The following CLCN5 variants were observed in gnomAD, a reference collection of about 807,000 sequenced individuals.
CLCN5 encodes H(+)/Cl(-) exchange transporter 5.
In CLCN5, 17 loss-of-function variants were observed where a neutral mutation model predicts 54.0. The observed-to-expected ratio is 0.31, with a 90% CI of 0.22 to 0.47. The LOEUF is 0.47. CLCN5 is among the 20% of genes least tolerant of loss of function. CLCN5 has a pLI of 1.00. For synonymous variants in CLCN5, 222 were observed against 233.0 expected (o/e 0.95, Z 0.43); for missense variants, 448 against 646.7 (o/e 0.69, Z 3.33).
chrX:50,084,334 G>A (rs1355932430), intron 9 of CLCN5, among the ~76,000 whole-genome samples: 3 of 111,495 alleles, frequency 2.7e-5, no homozygotes, highest in African/African-American at 6.5e-5. Flanking sequence ...TGACTGAAAC[G>A]TTGTTACGTG....
intron 12 of CLCN5, 147 bp from the exon 13 acceptor site, chrX:50,089,969 A>T: frequency 1.8e-6 from 1 of 564,319 alleles, no homozygotes; most frequent in Non-Finnish European, 3.0e-6. Context: ...CTCCATTGTG[A>T]CCTTGCTTTC....
intron 4 of CLCN5, among the ~76,000 whole-genome samples, chrX:50,059,903 T>G (rs1369186361): frequency 9.3e-6 from 1 of 107,193 alleles, no homozygotes; most frequent in Non-Finnish European, 1.9e-5. Context: ...AAAAAGATAG[T>G]ATCTTTGCTA....
intron 3 of CLCN5, among the ~76,000 whole-genome samples, chrX:50,033,128 C>G (rs1329449265): frequency 2.7e-5 from 3 of 111,370 alleles, no homozygotes; most frequent in Non-Finnish European, 3.8e-5. Context: ...TGCCCTCTCT[C>G]ACCACTCCTA....
intron 4 of CLCN5, among the ~76,000 whole-genome samples, chrX:50,063,450 C>T (rs1338757639): frequency 9.2e-6 from 1 of 108,298 alleles, no homozygotes; most frequent in Non-Finnish European, 1.9e-5. Context: ...TCTCCCAAGA[C>T]TAAACCAGGA....
At chrX:50,060,019 G>A (rs1300484380) in intron 4 of CLCN5, among the ~76,000 whole-genome samples, 1 of 105,229 alleles carries the variant, frequency 9.5e-6, no homozygotes, top group African/African-American at 3.5e-5. Context: ...TTCAGATACT[G>A]TTACAGGTAA....
intron 3 of CLCN5, among the ~76,000 whole-genome samples, chrX:49,957,852 C>G (rs782634212): frequency 2.7e-5 from 3 of 111,795 alleles, no homozygotes; most frequent in African/African-American, 9.7e-5. Flanking sequence ...TACCCTTCCT[C>G]CAGATTCCTC....
chrX:49,953,865 G>T (rs1204029323), intron 3 of CLCN5, among the ~76,000 whole-genome samples: 1 of 112,003 alleles, frequency 8.9e-6, no homozygotes, highest in East Asian at 2.8e-4. Context: ...TGCCAATCCT[G>T]TGTATTCTCG....
At position 49,925,108 on chromosome X, in the gene CLCN5, A is replaced by G. The variant is rs1925277228; in HGVS notation, c.-128-63A>G. 1.0e-5 allele frequency: 5 copies of G among 482,253 alleles called. No individual in the cohort carries two copies. The South Asian group carries it at 1.5e-4, about 15-fold the overall frequency. The allele number at this position is 482,253 out of a possible 1,213,427, so 39.7% of individuals were successfully genotyped here. On this transcript the variant is annotated intron_variant, in intron 2 of 14. Transcript: ENST00000376091. ...GAGGTTCAGAGAGGAGCAGGAGATA[A>G]TTTTCAAGCATTTGAAGTGTATAGT... is the stretch of plus-strand genomic sequence containing the variant.
At chrX:50,000,162 C>T (rs1304211227) in intron 3 of CLCN5, among the ~76,000 whole-genome samples, 2 of 109,998 alleles carry the variant, frequency 1.8e-5, no homozygotes, top group African/African-American at 6.6e-5. Context: ...CAGCCTCTCT[C>T]TCTAATCCTG....
Position 50,030,927 on chromosome X carries a change from A to G in CLCN5, c.17-11389A>G, listed in dbSNP as rs1362989256. 4.5e-5 allele frequency among the ~76,000 whole-genome samples: 5 copies of G among 111,932 alleles called. No individual in the cohort carries two copies. In the East Asian group the frequency reaches 1.4e-3, roughly 31 times the overall value. On this transcript the variant is annotated intron_variant, in intron 3 of 14. Transcript: ENST00000376091. ...TTAAAGTTTTATTTAGGAGTTTTGC[A>G]TGTATGTTCCAAAGTGAAAGTGATC... is the stretch of plus-strand genomic sequence containing the variant.
chrX:50,078,112 G>A (rs1400397556), intron 7 of CLCN5, among the ~76,000 whole-genome samples: 1 of 110,098 alleles, frequency 9.1e-6, no homozygotes, highest in Non-Finnish European at 1.9e-5. Flanking sequence ...AGGCTGAGGA[G>A]GGAGGATCCC....
At position 50,017,824 on chromosome X, in the gene CLCN5, G is replaced by C. The variant is rs1203145533; in HGVS notation, c.17-24492G>C. On this transcript the variant is annotated intron_variant, in intron 3 of 14. Coordinates refer to ENST00000376091, the MANE Select transcript of CLCN5 (RefSeq NM_001127898.4). ...GTGGGTATATTTCTGGATTTGTTCT[G>C]TTCTATTGATCTATATTCTTATGCC... 9.0e-5 allele frequency among the ~76,000 whole-genome samples: 10 copies of C among 111,370 alleles called. No homozygotes were observed. The Admixed American group carries it at 9.6e-4, about 11-fold the overall frequency.
At chrX:49,942,658 G>C (rs1926439015) in intron 3 of CLCN5, among the ~76,000 whole-genome samples, 1 of 104,720 alleles carries the variant, frequency 9.5e-6, no homozygotes, top group Admixed American at 1.1e-4. Context: ...TGCGGTGTTT[G>C]TTTTTTTGTC....
chrX:49,925,429 A>C (rs1287250562), intron 3 of CLCN5, 115 bp downstream of exon 3: 3 of 727,512 alleles, frequency 4.1e-6, no homozygotes, highest in Admixed American at 4.7e-5. Context: ...CTTTAATTTA[A>C]CCCTTTGTCT....
intron 3 of CLCN5, among the ~76,000 whole-genome samples, chrX:50,018,055 C>T (rs190776567): frequency 1.2e-3 from 131 of 111,721 alleles, no homozygotes; most frequent in Non-Finnish European, 2.1e-3. Context: ...ACCTGTAGAT[C>T]AAGTTGGGAA....
intron 5 of CLCN5, among the ~76,000 whole-genome samples, chrX:50,071,012 A>G (rs1933198616): frequency 9.1e-6 from 1 of 110,068 alleles, no homozygotes; most frequent in Non-Finnish European, 1.9e-5. Context: ...TTTCTTTCTT[A>G]CTATTTCTGC....
chrX:50,094,523 C>T lies in CLCN5; in HGVS notation c.*2304C>T, dbSNP rs1261704043. The T allele has an allele frequency of 4.4e-5, 5 of 112,368 alleles. No individual in the cohort carries two copies. The highest frequency in any genetic ancestry group is 1.6e-4 in the African/African-American group (5 of 30,842). The allele number at this position is 112,368 out of a possible 1,213,427, so 9.3% of individuals were successfully genotyped here. The stretch of plus-strand genomic sequence containing the variant: ...TTGGTCATATTTCATAGTGCAGTAG[C>T]GATAAGGAGGGTGTCTCAAGTTTGC... On this transcript the variant is annotated 3_prime_UTR_variant, in exon 15 of 15. Coordinates refer to ENST00000376091, the MANE Select transcript of CLCN5 (RefSeq NM_001127898.4).
At chrX:49,950,285 A>G (rs781826810) in intron 3 of CLCN5, among the ~76,000 whole-genome samples, 10 of 112,222 alleles carry the variant, frequency 8.9e-5, no homozygotes, top group African/African-American at 2.9e-4. Context: ...ATAGACAACT[A>G]TGTAAAAGAC....
At chrX:49,978,780 A>G (rs1854504462) in intron 3 of CLCN5, among the ~76,000 whole-genome samples, 1 of 111,930 alleles carries the variant, frequency 8.9e-6, no homozygotes. Context: ...TTATTTAGTG[A>G]ATGTAATGTT....
Sources: allele counts gnomAD v4.1 joint callset (sites outside exome capture counted in the v4.1 genomes callset), GRCh38; gene constraint gnomAD v4.1.1; transcripts MANE v1.5; gene names NCBI Gene and HGNC (gene_info 2026-07-23, HGNC 2026-07-21).